The following GRM4 variants were observed in gnomAD, a reference collection of about 807,000 sequenced individuals.
The protein encoded by GRM4 is metabotropic glutamate receptor 4.
GRM4 carries 28 observed loss-of-function variants against 81.7 expected under a neutral mutation model. The observed-to-expected ratio is 0.34, with a 90% CI of 0.25 to 0.47. GRM4 has a LOEUF of 0.47. Among genes scored for constraint, GRM4 ranks in the 20% least tolerant of loss-of-function variants. The pLI is 1.00. For missense variants in GRM4, 948 were observed against 1,290.0 expected, an observed-to-expected ratio of 0.73 and a Z score of 4.06; for synonymous variants, 488 against 528.8, an observed-to-expected ratio of 0.92 and a Z score of 1.06.
At chr6:34,145,330 G>C (rs961952451) in intron 1 of GRM4, among the ~76,000 whole-genome samples, 1 of 152,060 alleles carries the variant, frequency 6.6e-6, no homozygotes, top group Non-Finnish European at 1.5e-5. Context: ...TTCGGCTGCT[G>C]CTCCGGCAAG....
At chr6:34,155,417 T>C in exon 1 of GRM4, 1 of 1,426,654 alleles carries the variant, frequency 7.0e-7, no homozygotes, top group East Asian at 2.5e-5. Context: ...TCTCCTGAGC[T>C]CCCTCTGTGT....
Position 34,074,802 on chromosome 6 carries a change from T to A in GRM4, c.737-12774A>T, listed in dbSNP as rs1205231614. Among the ~76,000 whole-genome samples, 1 of 152,170 alleles carries A rather than the reference T, an allele frequency of 6.6e-6. No homozygotes were observed. Among genetic ancestry groups the A allele is most frequent in the Non-Finnish European group, 1.5e-5 (1 of 68,008 alleles). ...AGCCGTGGTGTTTGGAGGCAGATGG[T>A]GGCAGGAGGGGCCTGGATGGGGCAG... On this transcript the variant is annotated intron_variant, in intron 3 of 10. Transcript: ENST00000538487. The surrounding 1 kb of genome is among the most constrained non-coding windows in gnomAD (Gnocchi z 4.9).
At chr6:34,099,909 A>AAC (rs1276985254) in intron 2 of GRM4, 33 of 246,852 alleles carry the variant, frequency 1.3e-4, no homozygotes, top group African/African-American at 7.7e-4. Context: ...CGCCTTCCCC[A>AAC]ACACCCGCCA....
chr6:34,038,724 G>A (rs1018469705), intron 8 of GRM4, among the ~76,000 whole-genome samples: 1 of 152,216 alleles, frequency 6.6e-6, no homozygotes, highest in African/African-American at 2.4e-5. Flanking sequence ...TACAGGTGAG[G>A]AGGACTAAGA....
chr6:34,035,230 G>A lies in GRM4; in HGVS notation c.2442+438C>T, dbSNP rs1285356113. 1.8e-4 allele frequency among the ~76,000 whole-genome samples: 28 copies of A among 151,574 alleles called. No individual in the cohort carries two copies. The highest frequency in any genetic ancestry group is 1.0e-4 in the Non-Finnish European group (7 of 67,862). ...GCTCCAGGCTTATGGAGGGGGGAAG[G>A]GGTGAGAGAATAGGAGGAGGAAAGA... On this transcript the variant is annotated intron_variant, in intron 9 of 10. Transcript: ENST00000538487. The surrounding 1 kb of genome is among the most constrained non-coding windows in gnomAD (Gnocchi z 6.6).
At chr6:34,148,258 C>T (rs748235162), upstream of GRM4, among the ~76,000 whole-genome samples, 1 of 152,118 alleles carries the variant, frequency 6.6e-6, no homozygotes, top group Non-Finnish European at 1.5e-5. Flanking sequence ...CCGTCAGCGG[C>T]CCTCACCTGT....
exon 1 of GRM4, chr6:34,155,416 C>T (rs1033458393): frequency 2.1e-6 from 3 of 1,439,576 alleles, no homozygotes; most frequent in African/African-American, 2.8e-5. Flanking sequence ...ATCTCCTGAG[C>T]TCCCTCTGTG....
chr6:34,071,748 AC>A (rs1188439540), intron 3 of GRM4, among the ~76,000 whole-genome samples: 2 of 125,760 alleles, frequency 1.6e-5, no homozygotes, highest in African/African-American at 6.1e-5. Flanking sequence ...ACCACACACA[AC>A]CATACATCAC....
At chr6:34,113,332 T>C (rs1408440309) in intron 2 of GRM4, among the ~76,000 whole-genome samples, 1 of 152,024 alleles carries the variant, frequency 6.6e-6, no homozygotes, top group Non-Finnish European at 1.5e-5. Context: ...TTAAATTTTT[T>C]GCAGAGATGG....
rs763072868 is a variant in GRM4 at position 34,022,860 on chromosome 6, G to A, written c.2700C>T (p.Thr900=). ...TGGTGTAAGTGACGTAAGTCTGTTTGGTGGCCAGCGCTGGAAGGAGAGAGA... is the reference window on the plus strand; with the variant it reads ...TGGTGTAAGTGACGTAAGTCTGTTTAGTGGCCAGCGCTGGAAGGAGAGAGA... ...CENLEAPALA[T]KQTYVTYTNH... The change falls in exon 11 of 11, where the codon ACC becomes ACT. Residue 900 remains threonine (T), a synonymous_variant. Coordinates refer to ENST00000538487, the MANE Select transcript of GRM4 (RefSeq NM_000841.4). The surrounding 1 kb of genome is among the most constrained non-coding windows in gnomAD (Gnocchi z 5.6). 4 of 1,613,848 alleles carry A rather than the reference G, an allele frequency of 2.5e-6. No homozygotes were observed. The East Asian group carries it at 8.9e-5, about 36-fold the overall frequency.
intron 1 of GRM4, among the ~76,000 whole-genome samples, chr6:34,143,509 G>A (rs1191421498): frequency 1.3e-5 from 2 of 152,222 alleles, no homozygotes; most frequent in East Asian, 1.9e-4. Context: ...AGGCCTCTGC[G>A]GAAGTTCTGC....
chr6:34,052,351 C>T (rs183281994), intron 6 of GRM4, among the ~76,000 whole-genome samples: 78 of 152,356 alleles, frequency 5.1e-4, no homozygotes, highest in African/African-American at 1.8e-3. Flanking sequence ...CCTAAATCAG[C>T]TACTTGCTAT....
chr6:34,122,988 C>T (rs59775275), intron 2 of GRM4, among the ~76,000 whole-genome samples: 1 of 152,054 alleles, frequency 6.6e-6, no homozygotes, highest in Non-Finnish European at 1.5e-5. Context: ...GGAGGCAGGC[C>T]GTGGAAGGCA....
chr6:34,088,547 C>T (rs558490173), intron 3 of GRM4, among the ~76,000 whole-genome samples: 9 of 152,288 alleles, frequency 5.9e-5, no homozygotes, highest in Admixed American at 2.0e-4. Context: ...ACAGGTCTGC[C>T]CGAAGGAGCC....
Position 34,034,317 on chromosome 6 carries a change from T to C in GRM4, c.2442+1351A>G, listed in dbSNP as rs371045922. 3.3e-5 allele frequency among the ~76,000 whole-genome samples: 5 copies of C among 152,164 alleles called. No homozygotes were observed. In the East Asian group the frequency reaches 9.7e-4, roughly 29 times the overall value. Reference sequence around the variant, plus strand: ...CATGGTGTCCTCCTTGACTCGACTGTCTCCTCGTCTCCCACCCAACGTGCC... The same window carrying C: ...CATGGTGTCCTCCTTGACTCGACTGCCTCCTCGTCTCCCACCCAACGTGCC... On this transcript the variant is annotated intron_variant, in intron 9 of 10. Coordinates refer to ENST00000538487, the MANE Select transcript of GRM4 (RefSeq NM_000841.4). This position sits in a 1 kb window ranked among gnomAD's most constrained non-coding sequence, Gnocchi z 4.0.
chr6:34,076,491 A>G (rs2499695), intron 3 of GRM4, among the ~76,000 whole-genome samples: 12,762 of 152,236 alleles, frequency 0.084, 1,115 homozygotes, highest in African/African-American at 0.21. Context: ...ATAACCAGAC[A>G]ATCCCTTCAC....
chr6:34,103,508 G>C lies in GRM4; in HGVS notation c.520-11409C>G, dbSNP rs999008656. ...GCAGGCGGGGGCGGCGGGCGAGGGA[G>C]AGCAAACGCGATCCTCAAATCAGCA... On this transcript the variant is annotated intron_variant, in intron 2 of 10. Coordinates refer to ENST00000538487, the MANE Select transcript of GRM4 (RefSeq NM_000841.4). The C allele has an allele frequency of 6.6e-5, 81 of 1,220,436 alleles. 1 individual carries two copies. Among genetic ancestry groups the C allele is most frequent in the Admixed American group, 4.2e-4 (21 of 50,264 alleles). The allele number at this position is 1,220,436 out of a possible 1,614,324, so 75.6% of individuals were successfully genotyped here. A position where few individuals can be genotyped will look rare whatever the true frequency, so the allele number is the denominator to read the frequency against.
At chr6:34,147,280 C>T (rs1052925637), upstream of GRM4, among the ~76,000 whole-genome samples, 5 of 152,300 alleles carry the variant, frequency 3.3e-5, no homozygotes, top group East Asian at 1.9e-4. Context: ...CACGACTGAA[C>T]GCAGTTCTGC....
At position 34,113,459 on chromosome 6, in the gene GRM4, G is replaced by A. The variant is rs78410100; in HGVS notation, c.519+19519C>T. On this transcript the variant is annotated intron_variant, in intron 2 of 10. Transcript: ENST00000538487. ...CCACGTTCTCCCATTTAAACCTAACGTCTACCCAGGTAGGGAGATATTTGT... is the reference window on the plus strand; with the variant it reads ...CCACGTTCTCCCATTTAAACCTAACATCTACCCAGGTAGGGAGATATTTGT... Among the ~76,000 whole-genome samples, 1,476 of 152,298 alleles carry A rather than the reference G, an allele frequency of 9.7e-3. 28 individuals carry two copies. The highest frequency in any genetic ancestry group is 0.033 in the African/African-American group (1,351 of 41,562).
Sources: allele counts gnomAD v4.1 joint callset (sites outside exome capture counted in the v4.1 genomes callset), GRCh38; gene constraint gnomAD v4.1.1; non-coding constraint Gnocchi (gnomAD v3.1); transcripts MANE v1.5; gene names NCBI Gene and HGNC (gene_info 2026-07-23, HGNC 2026-07-21).